MRAP: variants seen among roughly 807,000 people sequenced by gnomAD.
The protein encoded by MRAP is melanocortin-2 receptor accessory protein.
A neutral mutation model predicts 8.7 loss-of-function variants in MRAP; 8 were observed. The ratio of observed to expected loss-of-function variants is 0.92; its 90% CI spans 0.54 to 1.66. The LOEUF (loss-of-function observed/expected upper bound fraction) is 1.66. MRAP is among the 40% of genes most tolerant of loss of function. MRAP has a pLI of 0.00. For missense variants in MRAP, 237 were observed against 217.1 expected, an observed-to-expected ratio of 1.09 and a Z score of -0.58; for synonymous variants, 95 against 95.5, an observed-to-expected ratio of 1.00 and a Z score of 0.03.
At chr21:32,293,930 C>T (rs191496421), upstream of MRAP, among the ~76,000 whole-genome samples, 13 of 151,696 alleles carry the variant, frequency 8.6e-5, no homozygotes, top group East Asian at 2.5e-3. Context: ...TCAGTCTCTG[C>T]TTATCCATCA....
At chr21:32,309,940 GTTCTT>G (rs1270402994) in intron 2 of MRAP, among the ~76,000 whole-genome samples, 1 of 151,912 alleles carries the variant, frequency 6.6e-6, no homozygotes, top group East Asian at 2.0e-4. Context: ...CCTGAAATCT[GTTCTT>G]TTCTTTCAGT....
intron 1 of MRAP, among the ~76,000 whole-genome samples, chr21:32,304,257 G>A (rs770703045): frequency 3.3e-5 from 5 of 152,246 alleles, no homozygotes; most frequent in East Asian, 1.9e-4. Context: ...GTAACTCTTC[G>A]GGAGTGTAGG....
chr21:32,294,217 C>A (rs958958769), upstream of MRAP, among the ~76,000 whole-genome samples: 3 of 152,172 alleles, frequency 2.0e-5, no homozygotes, highest in Non-Finnish European at 4.4e-5. Context: ...TGGGTTTACA[C>A]CATTCTCCTG....
intron 2 of MRAP, among the ~76,000 whole-genome samples, chr21:32,307,933 T>G (rs1273402500): frequency 3.3e-5 from 5 of 152,192 alleles, no homozygotes; most frequent in Non-Finnish European, 5.9e-5. Flanking sequence ...ACTCTATGGA[T>G]GTACTGAAGA....
chr21:32,313,482 AT>A (rs1169243491), downstream of MRAP: 1 of 152,234 alleles, frequency 6.6e-6, no homozygotes, highest in Non-Finnish European at 1.5e-5. Flanking sequence ...TGTAAGGTTT[AT>A]TTGGGTAGGG....
chr21:32,300,677 G>GTGTCGCGCGTCCTATGTCGGA (rs2032251792), intron 1 of MRAP, among the ~76,000 whole-genome samples: 1 of 123,490 alleles, frequency 8.1e-6, no homozygotes, highest in Non-Finnish European at 1.8e-5. Flanking sequence ...TATGTCGGAT[G>GTGTCGCGCGTCCTATGTCGGA]TGTCACGCGT....
intron 2 of MRAP, 35 bp downstream of exon 2, chr21:32,306,774 C>G (rs922574127): frequency 6.6e-7 from 1 of 1,523,040 alleles, no homozygotes; most frequent in Non-Finnish European, 9.1e-7. Flanking sequence ...GTGGGTCACT[C>G]AGACGCTCTC....
At chr21:32,306,563 T>TG (rs34147542) in intron 1 of MRAP, 77 bp from the exon 2 acceptor site, 8 of 1,204,212 alleles carry the variant, frequency 6.6e-6, no homozygotes, top group Non-Finnish European at 8.6e-6. Context: ...CACAATACCC[T>TG]GGGACTCCTT....
At position 32,305,191 on chromosome 21, in the gene MRAP, G is replaced by A. The variant is rs554447183; in HGVS notation, c.107-1449G>A. Among the ~76,000 whole-genome samples the A allele has an allele frequency of 1.9e-4, 29 of 152,032 alleles. No homozygotes were observed. The South Asian group carries it at 2.1e-3, about 11-fold the overall frequency. ...TTGCTATGTTGTCCAGGCTGGTCTC[G>A]AACTCCTGGACTCGAGTGATCCACC... On this transcript the variant is annotated intron_variant, in intron 1 of 2. Transcript: ENST00000303645.
chr21:32,304,400 A>C (rs1568797297), intron 1 of MRAP, among the ~76,000 whole-genome samples: 1 of 152,124 alleles, frequency 6.6e-6, no homozygotes, highest in Admixed American at 6.5e-5. Flanking sequence ...GTGGATCATG[A>C]GGTCAGGAGA....
chr21:32,308,931 G>A (rs2123519544), intron 2 of MRAP, among the ~76,000 whole-genome samples: 1 of 152,330 alleles, frequency 6.6e-6, no homozygotes, highest in South Asian at 2.1e-4. Flanking sequence ...AAACTGTGCT[G>A]AGGAAGAGCT....
At position 32,312,276 on chromosome 21, in the gene MRAP, A is replaced by C. The variant is rs1411819746; in HGVS notation, c.*280A>C. ...AAGAGTAGGAAAATAAAATATATGC[A>C]AATCAAGAGGAAAAGCTGTTTGCTT... On this transcript the variant is annotated 3_prime_UTR_variant, in exon 3 of 3. Coordinates refer to ENST00000303645, the MANE Select transcript of MRAP (RefSeq NM_001379228.1). The C allele has an allele frequency of 8.7e-6, 12 of 1,376,486 alleles. No homozygotes were observed. The highest frequency in any genetic ancestry group is 1.1e-5 in the Non-Finnish European group (12 of 1,062,910). 85.3% of individuals were successfully genotyped at this position (1,376,486 alleles called of 1,614,324 possible).
intron 2 of MRAP, among the ~76,000 whole-genome samples, chr21:32,307,434 G>A (rs113117122): frequency 1.5e-4 from 23 of 152,028 alleles, no homozygotes; most frequent in African/African-American, 4.3e-4. Context: ...AAAATTAGCC[G>A]GGCGTGGTGG....
At chr21:32,309,993 C>T (rs960539679) in intron 2 of MRAP, among the ~76,000 whole-genome samples, 6 of 152,036 alleles carry the variant, frequency 3.9e-5, no homozygotes, top group Admixed American at 2.0e-4. Flanking sequence ...CATTTTTATA[C>T]CCAAGACACA....
chr21:32,299,685 G>A (rs1189885876), intron 1 of MRAP, among the ~76,000 whole-genome samples: 1 of 152,158 alleles, frequency 6.6e-6, no homozygotes, highest in Non-Finnish European at 1.5e-5. Flanking sequence ...GCTCCAATAA[G>A]CTGAGCGAGT....
upstream of MRAP, among the ~76,000 whole-genome samples, chr21:32,298,257 A>G (rs2032177628): frequency 1.3e-5 from 2 of 152,166 alleles, no homozygotes; most frequent in African/African-American, 2.4e-5. Context: ...AGCTTGGACC[A>G]CATGGGGTTG....
upstream of MRAP, among the ~76,000 whole-genome samples, chr21:32,297,832 C>T (rs140827131): frequency 6.6e-6 from 1 of 152,310 alleles, no homozygotes; most frequent in African/African-American, 2.4e-5. Context: ...TCATTCCTCC[C>T]CTTCTGGTCA....
chr21:32,304,979 T>G (rs58517747), intron 1 of MRAP, among the ~76,000 whole-genome samples: 1,602 of 145,864 alleles, frequency 0.011, 26 homozygotes, highest in African/African-American at 0.038. Context: ...TTTTTTTTTT[T>G]TTTTTTTTTT....
At chr21:32,303,641 A>G (rs1401792074) in intron 1 of MRAP, among the ~76,000 whole-genome samples, 3 of 152,188 alleles carry the variant, frequency 2.0e-5, no homozygotes, top group Non-Finnish European at 2.9e-5. Flanking sequence ...AGGAAAGGAG[A>G]TAAGTTTCTA....
Sources: allele counts gnomAD v4.1 joint callset (sites outside exome capture counted in the v4.1 genomes callset), GRCh38; gene constraint gnomAD v4.1.1; transcripts MANE v1.5; gene names NCBI Gene and HGNC (gene_info 2026-07-23, HGNC 2026-07-21).